Variants in ASB4 observed in about 807,000 individuals in gnomAD.
The protein encoded by ASB4 is ankyrin repeat and SOCS box protein 4.
Under a neutral mutation model 38.6 loss-of-function variants are expected in ASB4, and 35 were observed. The observed-to-expected ratio is 0.91, with a 90% CI of 0.69 to 1.20. The LOEUF is 1.20. ASB4 is among the 50% of genes most tolerant of loss of function. The pLI is 0.00. For missense variants in ASB4, 557 were observed against 527.2 expected (o/e 1.06, Z -0.55); for synonymous variants, 195 against 201.3 (o/e 0.97, Z 0.26).
upstream of ASB4, among the ~76,000 whole-genome samples, chr7:95,476,002 C>T (rs1226275940): frequency 6.6e-6 from 1 of 152,222 alleles, no homozygotes; most frequent in Admixed American, 6.5e-5. Context: ...ATACCATTTC[C>T]TCTGTGAAAT....
intron 1 of ASB4, 99 bp from the exon 2 acceptor site, chr7:95,495,659 G>A: frequency 8.0e-7 from 1 of 1,253,384 alleles, no homozygotes; most frequent in Non-Finnish European, 1.1e-6. Context: ...TTTTATAAAT[G>A]TGGCCAAAAT....
chr7:95,519,841 AT>A (rs890488577), intron 2 of ASB4, among the ~76,000 whole-genome samples: 15 of 150,316 alleles, frequency 1.0e-4, no homozygotes, highest in South Asian at 2.1e-4. Context: ...TTGAGAGGGG[AT>A]TTTTTTTTTC....
chr7:95,492,579 C>T (rs1221069423), intron 1 of ASB4, among the ~76,000 whole-genome samples: 2 of 152,186 alleles, frequency 1.3e-5, no homozygotes, highest in African/African-American at 4.8e-5. Flanking sequence ...AATCTTCCCT[C>T]CAGCGCTAAC....
At chr7:95,494,395 A>G (rs1790216578) in intron 1 of ASB4, among the ~76,000 whole-genome samples, 1 of 152,198 alleles carries the variant, frequency 6.6e-6, no homozygotes, top group South Asian at 2.1e-4. Flanking sequence ...GTTTTTTGGC[A>G]GTACCATCCC....
At chr7:95,479,539 TG>T (rs1790006545) in intron 1 of ASB4, among the ~76,000 whole-genome samples, 1 of 152,236 alleles carries the variant, frequency 6.6e-6, no homozygotes, top group African/African-American at 2.4e-5. Context: ...AGATGGCCTC[TG>T]GGAATAGATC....
At chr7:95,488,385 C>A (rs930198713) in intron 1 of ASB4, among the ~76,000 whole-genome samples, 7 of 152,192 alleles carry the variant, frequency 4.6e-5, no homozygotes, top group East Asian at 3.9e-4. Flanking sequence ...TTTTCACATG[C>A]TTCCAACCTT....
At chr7:95,504,721 A>G (rs1273627877) in intron 2 of ASB4, among the ~76,000 whole-genome samples, 1 of 152,234 alleles carries the variant, frequency 6.6e-6, no homozygotes, top group Non-Finnish European at 1.5e-5. Flanking sequence ...TAACAGTAAC[A>G]GCAAATAAAA....
At chr7:95,491,305 C>G (rs1790167445) in intron 1 of ASB4, among the ~76,000 whole-genome samples, 1 of 152,124 alleles carries the variant, frequency 6.6e-6, no homozygotes, top group Non-Finnish European at 1.5e-5. Flanking sequence ...CTGCAAGGAG[C>G]TGTCACTGCA....
intron 2 of ASB4, among the ~76,000 whole-genome samples, chr7:95,498,434 T>A (rs1045444466): frequency 2.0e-5 from 3 of 152,222 alleles, no homozygotes; most frequent in African/African-American, 7.2e-5. Context: ...TTTGAATTTC[T>A]CTGATGACTA....
intron 2 of ASB4, among the ~76,000 whole-genome samples, chr7:95,526,840 C>T (rs1378903082): frequency 1.3e-5 from 2 of 152,236 alleles, no homozygotes; most frequent in East Asian, 3.9e-4. Flanking sequence ...GAGTTGGCCC[C>T]CTAAGGGTCA....
chr7:95,502,389 T>TG (rs764509855), intron 2 of ASB4, among the ~76,000 whole-genome samples: 1,555 of 83,224 alleles, frequency 0.019, 33 homozygotes, highest in Admixed American at 0.067. Context: ...GGTACCAGCC[T>TG]GCGGGGGGGG....
chr7:95,479,355 T>A (rs1790004629), intron 1 of ASB4, among the ~76,000 whole-genome samples: 2 of 152,248 alleles, frequency 1.3e-5, no homozygotes, highest in African/African-American at 4.8e-5. Flanking sequence ...CTTCACAATA[T>A]GCAAAGTACG....
At chr7:95,481,298 T>C (rs906138172), upstream of ASB4, among the ~76,000 whole-genome samples, 1 of 151,966 alleles carries the variant, frequency 6.6e-6, no homozygotes, top group African/African-American at 2.4e-5. Flanking sequence ...TGGTGTTACT[T>C]ACAAACAAAG....
chr7:95,497,659 A>G (rs944806598), intron 2 of ASB4, among the ~76,000 whole-genome samples: 4 of 152,160 alleles, frequency 2.6e-5, no homozygotes, highest in Admixed American at 2.0e-4. Flanking sequence ...ATCATCTTAA[A>G]AAGTTTCCTG....
At chr7:95,514,617 C>T (rs1004870447) in intron 2 of ASB4, among the ~76,000 whole-genome samples, 2 of 152,120 alleles carry the variant, frequency 1.3e-5, no homozygotes, top group Non-Finnish European at 2.9e-5. Context: ...TGCAACCTAT[C>T]AGGTATTTGA....
In ASB4 at chr7:95,485,977, C is replaced by T. The variant is rs146716091; in HGVS notation, c.6C>T (p.Asp2=). The T allele has an allele frequency of 2.0e-5, 33 of 1,613,026 alleles. No homozygotes were observed. The highest frequency in any genetic ancestry group is 1.6e-4 in the Middle Eastern group (1 of 6,080). M[D]GTTAPVTKSG... ...CTTCCAGAGGGAGAGGAAGGATGGA[C>T]GGCACCACTGCCCCTGTCACTAAAT... The change falls in exon 1 of 5, where the codon GAC becomes GAT. Residue 2 remains aspartate (D), a synonymous_variant. Transcript: ENST00000325885.
Position 95,485,970 on chromosome 7 carries a change from G to A in ASB4, c.-2G>A, listed in dbSNP as rs758575115. On this transcript the variant is annotated 5_prime_UTR_variant, in exon 1 of 5. Coordinates refer to ENST00000325885, the MANE Select transcript of ASB4 (RefSeq NM_016116.3). ...AACAAAGCTTCCAGAGGGAGAGGAA[G>A]GATGGACGGCACCACTGCCCCTGTC... 3.7e-6 allele frequency: 6 copies of A among 1,612,956 alleles called. No homozygotes were observed. The highest frequency in any genetic ancestry group is 2.7e-5 in the African/African-American group (2 of 74,882).
At chr7:95,513,178 G>A (rs1464904370) in intron 2 of ASB4, among the ~76,000 whole-genome samples, 1 of 151,684 alleles carries the variant, frequency 6.6e-6, no homozygotes, top group African/African-American at 2.4e-5. Flanking sequence ...GAAAAGGTAA[G>A]GAAATGGACT....
At chr7:95,533,562 A>T (rs562403949) in intron 3 of ASB4, among the ~76,000 whole-genome samples, 1 of 152,128 alleles carries the variant, frequency 6.6e-6, no homozygotes, top group African/African-American at 2.4e-5. Context: ...CTTGATCTTC[A>T]TGACCCCCTT....
Sources: gnomAD v4.1 joint callset for allele counts (sites outside exome capture counted in the v4.1 genomes callset) on GRCh38, gnomAD v4.1.1 for gene constraint, MANE v1.5 for transcripts, NCBI Gene and HGNC (gene_info 2026-07-23, HGNC 2026-07-21) for gene names.